KLHL18: variants seen among roughly 807,000 people sequenced by gnomAD.
KLHL18 encodes kelch-like protein 18.
A neutral mutation model predicts 58.5 loss-of-function variants in KLHL18; 38 were observed. The observed-to-expected ratio is 0.65, with a 90% CI of 0.50 to 0.85. KLHL18 has a LOEUF of 0.85. Ranked by LOEUF, KLHL18 falls within the 40% of genes least tolerant of loss-of-function variation. The pLI, the probability that KLHL18 is intolerant of heterozygous loss-of-function variation, is 0.00. For synonymous variants in KLHL18, 303 were observed against 301.9 expected (o/e 1.00, Z -0.04); for missense variants, 624 against 778.4 (o/e 0.80, Z 2.36).
At chr3:47,294,752 T>C (rs530598529) in intron 1 of KLHL18, among the ~76,000 whole-genome samples, 37 of 152,292 alleles carry the variant, frequency 2.4e-4, no homozygotes, top group African/African-American at 8.7e-4. Context: ...GAATAAAAAA[T>C]CAGGGCAGGG....
intron 1 of KLHL18, among the ~76,000 whole-genome samples, chr3:47,291,114 A>G (rs1158426292): frequency 1.3e-5 from 2 of 152,186 alleles, no homozygotes; most frequent in Admixed American, 6.5e-5. Context: ...TCTTAACTGC[A>G]GACGGTTCCT....
chr3:47,290,538 T>C (rs984878356), intron 1 of KLHL18, among the ~76,000 whole-genome samples: 1 of 152,086 alleles, frequency 6.6e-6, no homozygotes, highest in Non-Finnish European at 1.5e-5. Flanking sequence ...CACAGCCCAC[T>C]GCAGCGTCGA....
chr3:47,341,896 T>TA (rs10586716), intron 8 of KLHL18, among the ~76,000 whole-genome samples: 482 of 125,730 alleles, frequency 3.8e-3, no homozygotes, highest in African/African-American at 9.8e-3. Flanking sequence ...CTGTCTCTTT[T>TA]AAAAAAAAAA....
intron 5 of KLHL18, 111 bp downstream of exon 5, chr3:47,333,428 T>A: frequency 9.3e-7 from 1 of 1,075,198 alleles, no homozygotes; most frequent in East Asian, 2.6e-5. Context: ...TCAGTCTAAT[T>A]CATGGCACAC....
chr3:47,341,896 TA>T (rs10586716), intron 8 of KLHL18, among the ~76,000 whole-genome samples: 11,971 of 125,688 alleles, frequency 0.095, 1,249 homozygotes, highest in African/African-American at 0.28. Flanking sequence ...CTGTCTCTTT[TA>T]AAAAAAAAAA....
intron 1 of KLHL18, chr3:47,283,380 G>A (rs1702531914): frequency 4.2e-6 from 2 of 476,276 alleles, no homozygotes; most frequent in South Asian, 5.8e-5. Context: ...CTGTCATGCA[G>A]ACAAGAGAAA....
intron 1 of KLHL18, among the ~76,000 whole-genome samples, chr3:47,299,995 C>T (rs1292822097): frequency 6.6e-6 from 1 of 151,964 alleles, no homozygotes; most frequent in African/African-American, 2.4e-5. Flanking sequence ...TGCTAGCCTC[C>T]GCAATTGCAT....
chr3:47,318,629 C>T (rs145990992), intron 1 of KLHL18, among the ~76,000 whole-genome samples: 116 of 152,230 alleles, frequency 7.6e-4, no homozygotes, highest in African/African-American at 2.6e-3. Context: ...TATGTAAGCA[C>T]ATATTATTTA....
At chr3:47,329,212 G>T (rs952191852) in intron 3 of KLHL18, among the ~76,000 whole-genome samples, 142 of 130,426 alleles carry the variant, frequency 1.1e-3, no homozygotes, top group Non-Finnish European at 1.6e-3. Flanking sequence ...TGTTTTTTTT[G>T]TTGTTGTTTT....
At chr3:47,337,200 TC>T (rs961943668) in intron 7 of KLHL18, 2 of 187,152 alleles carry the variant, frequency 1.1e-5, no homozygotes, top group Admixed American at 5.3e-5. Context: ...TCCCCAGGAC[TC>T]CCCTCACACA....
At chr3:47,325,629 G>C (rs1703699338) in intron 3 of KLHL18, among the ~76,000 whole-genome samples, 1 of 152,190 alleles carries the variant, frequency 6.6e-6, no homozygotes, top group African/African-American at 2.4e-5. Flanking sequence ...AGTTCCTGAG[G>C]CTGCTCAGTC....
In KLHL18 at chr3:47,334,400, T is replaced by C. The variant is rs2159400; in HGVS notation, c.762-283T>C. The stretch of plus-strand genomic sequence containing the variant: ...CAGGGTGCATGCTGCTTGTCGAAAC[T>C]CCCAGGTCCAGCCATTTTGGCCACT... On this transcript the variant is annotated intron_variant, in intron 5 of 9. Coordinates refer to ENST00000232766, the MANE Select transcript of KLHL18 (RefSeq NM_025010.5). This position sits in a 1 kb window ranked among gnomAD's most constrained non-coding sequence, Gnocchi z 4.7. 0.39 allele frequency among the ~76,000 whole-genome samples: 59,120 copies of C among 151,940 alleles called. 11,663 individuals carry two copies. The highest frequency in any genetic ancestry group is 0.5 in the Middle Eastern group (147 of 294).
chr3:47,336,448 G>A (rs1055961780), intron 6 of KLHL18, 87 bp from the exon 7 acceptor site: 9 of 1,163,496 alleles, frequency 7.7e-6, no homozygotes, highest in South Asian at 2.9e-5. Context: ...GAATTGAGTC[G>A]AATGTTCCAT....
intron 1 of KLHL18, among the ~76,000 whole-genome samples, chr3:47,310,732 G>C (rs1559493052): frequency 6.6e-6 from 1 of 152,160 alleles, no homozygotes; most frequent in South Asian, 2.1e-4. Flanking sequence ...CAGTAACCTG[G>C]AAGTCATCTT....
At chr3:47,332,071 C>A (rs536942822) in intron 4 of KLHL18, among the ~76,000 whole-genome samples, 1 of 152,082 alleles carries the variant, frequency 6.6e-6, no homozygotes, top group Non-Finnish European at 1.5e-5. Flanking sequence ...TAAGGAAGGC[C>A]GGGAGCAGTG....
At chr3:47,311,016 T>C (rs919493161) in intron 1 of KLHL18, among the ~76,000 whole-genome samples, 4 of 151,202 alleles carry the variant, frequency 2.6e-5, no homozygotes, top group Non-Finnish European at 5.9e-5. Flanking sequence ...CCTGATACTT[T>C]TTTTTTTTTT....
At chr3:47,311,710 A>C (rs778205368) in intron 1 of KLHL18, among the ~76,000 whole-genome samples, 7 of 152,090 alleles carry the variant, frequency 4.6e-5, no homozygotes, top group Non-Finnish European at 1.0e-4. Context: ...AAACAAACAA[A>C]ACAAGTATAG....
Position 47,343,978 on chromosome 3 carries a change from A to T in KLHL18, c.*37A>T, listed in dbSNP as rs770242996. ...GGATGTGGTGGGGCAGGGATCTGGT[A>T]CAGACATAGGCGCTTCCTTCCAGGA... On this transcript the variant is annotated 3_prime_UTR_variant, in exon 10 of 10. Transcript: ENST00000232766. 12 of 1,604,704 alleles carry T rather than the reference A, an allele frequency of 7.5e-6. No homozygotes were observed. The highest frequency in any genetic ancestry group is 1.3e-5 in the African/African-American group (1 of 74,620).
intron 1 of KLHL18, among the ~76,000 whole-genome samples, chr3:47,319,178 G>T (rs1052266724): frequency 2.6e-5 from 4 of 152,156 alleles, no homozygotes; most frequent in African/African-American, 9.7e-5. Context: ...ATCTCCTCAT[G>T]CCCCTGCCTC....
Sources: gnomAD v4.1 joint callset for allele counts (sites outside exome capture counted in the v4.1 genomes callset) on GRCh38, gnomAD v4.1.1 for gene constraint, Gnocchi (gnomAD v3.1) non-coding constraint, MANE v1.5 for transcripts, NCBI Gene and HGNC (gene_info 2026-07-23, HGNC 2026-07-21) for gene names.